The following BEGAIN variants were observed in gnomAD, a reference collection of about 807,000 sequenced individuals.
The protein encoded by BEGAIN is brain-enriched guanylate kinase-associated protein.
BEGAIN carries 19 observed loss-of-function variants against 35.8 expected under a neutral mutation model. The observed-to-expected ratio is 0.53, with a 90% CI of 0.37 to 0.78. The LOEUF (loss-of-function observed/expected upper bound fraction) is 0.78. Among genes scored for constraint, BEGAIN ranks in the 30% least tolerant of loss-of-function variants. The pLI is 0.00. For synonymous variants in BEGAIN, 462 were observed against 388.6 expected, an observed-to-expected ratio of 1.19 and a Z score of -2.22; for missense variants, 795 against 853.6, an observed-to-expected ratio of 0.93 and a Z score of 0.85.
rs1191394363 is a variant in BEGAIN, at chr14:100,568,942, C to T, written c.43-1003G>A. On this transcript the variant is annotated intron_variant, in intron 1 of 6. Transcript: ENST00000554140. The surrounding 1 kb of genome is among the most constrained non-coding windows in gnomAD (Gnocchi z 7.5). Reference sequence around the variant, plus strand: ...GCCCATCCCGGCCCCTCGCGCCGGGCGCCGCCGCCGCGTCCGCCGGGAGCG... The same window carrying T: ...GCCCATCCCGGCCCCTCGCGCCGGGTGCCGCCGCCGCGTCCGCCGGGAGCG... The T allele has an allele frequency of 2.2e-5, 22 of 983,176 alleles. No homozygotes were observed. Among genetic ancestry groups the T allele is most frequent in the Non-Finnish European group, 2.5e-5 (21 of 829,196 alleles). 60.9% of individuals were successfully genotyped at this position (983,176 alleles called of 1,614,324 possible). A position where few individuals can be genotyped will look rare whatever the true frequency, so the allele number is the denominator to read the frequency against.
Position 100,568,584 on chromosome 14 carries a change from C to T in BEGAIN, c.43-645G>A. 2.5e-6 allele frequency: 3 copies of T among 1,202,626 alleles called. No individual in the cohort carries two copies. Among genetic ancestry groups the T allele is most frequent in the Non-Finnish European group, 3.3e-6 (3 of 919,870 alleles). 74.5% of individuals were successfully genotyped at this position (1,202,626 alleles called of 1,614,324 possible). ...GTGAGCGCCCGGCTCGCCGGCGGGG[C>T]TCCCTGCCTTGCTTGCGCAGACCCG... On this transcript the variant is annotated intron_variant, in intron 1 of 6. Transcript: ENST00000554140. The surrounding 1 kb of genome is among the most constrained non-coding windows in gnomAD (Gnocchi z 7.5).
chr14:100,568,960 C>A lies in BEGAIN; in HGVS notation c.43-1021G>T. The A allele has an allele frequency of 1.0e-6, 1 of 983,386 alleles. No individual in the cohort carries two copies. The allele number at this position is 983,386 out of a possible 1,614,324, so 60.9% of individuals were successfully genotyped here. A position where few individuals can be genotyped will look rare whatever the true frequency, so the allele number is the denominator to read the frequency against. ...CGCCGGGCGCCGCCGCCGCGTCCGC[C>A]GGGAGCGCGCTCCGCTCGGGTCCGG... is the stretch of plus-strand genomic sequence containing the variant. On this transcript the variant is annotated intron_variant, in intron 1 of 6. Transcript: ENST00000554140. The surrounding 1 kb of genome is among the most constrained non-coding windows in gnomAD (Gnocchi z 7.5).
chr14:100,570,794 A>G (rs2035056478), intron 1 of BEGAIN, among the ~76,000 whole-genome samples: 1 of 152,122 alleles, frequency 6.6e-6, no homozygotes, highest in Non-Finnish European at 1.5e-5. Context: ...TGATTCAGCC[A>G]TTCATTGACC....
intron 2 of BEGAIN, among the ~76,000 whole-genome samples, chr14:100,554,374 C>G (rs1200287596): frequency 6.6e-6 from 1 of 152,312 alleles, no homozygotes; most frequent in East Asian, 1.9e-4. Flanking sequence ...GCCCTGGGCA[C>G]AGCCTCTGTC....
chr14:100,570,091 C>G (rs1244408758), intron 1 of BEGAIN, among the ~76,000 whole-genome samples: 1 of 152,206 alleles, frequency 6.6e-6, no homozygotes, highest in African/African-American at 2.4e-5. Flanking sequence ...AGGAGCCTTT[C>G]CCACCCAAAG....
At chr14:100,551,256 GC>G in intron 2 of BEGAIN, among the ~76,000 whole-genome samples, 1 of 152,350 alleles carries the variant, frequency 6.6e-6, no homozygotes, top group Non-Finnish European at 1.5e-5. Flanking sequence ...GTGTTGGCCT[GC>G]TGGAGGACAC....
intron 1 of BEGAIN, among the ~76,000 whole-genome samples, chr14:100,585,615 C>A (rs898258339): frequency 1.3e-5 from 2 of 151,756 alleles, no homozygotes; most frequent in Non-Finnish European, 2.9e-5. Context: ...CCAGACCCTG[C>A]GCCCAAGTCT....
intron 2 of BEGAIN, among the ~76,000 whole-genome samples, chr14:100,559,878 G>A (rs2034083022): frequency 2.0e-5 from 3 of 152,238 alleles, no homozygotes; most frequent in Admixed American, 2.0e-4. Context: ...TACGGGGAGG[G>A]TTGTCAGCAG....
chr14:100,566,204 C>A (rs1205562969), intron 2 of BEGAIN, among the ~76,000 whole-genome samples: 1 of 152,244 alleles, frequency 6.6e-6, no homozygotes, highest in Non-Finnish European at 1.5e-5. Flanking sequence ...TGGCCACTGC[C>A]TCCAGCCTTT....
At position 100,545,346 on chromosome 14, in the gene BEGAIN, C is replaced by T. The variant is rs890686885; in HGVS notation, c.234-280G>A. 1.7e-5 allele frequency: 22 copies of T among 1,310,398 alleles called. No individual in the cohort carries two copies. The African/African-American group carries it at 2.8e-4, about 17-fold the overall frequency. 81.2% of individuals were successfully genotyped at this position (1,310,398 alleles called of 1,614,324 possible). A position where few individuals can be genotyped will look rare whatever the true frequency, so the allele number is the denominator to read the frequency against. ...ATGGGAAGGGAAGGCTTGTTATTCA[C>T]AAGAGACTCTGTCCCATCCACACGC... On this transcript the variant is annotated intron_variant, in intron 3 of 6. Coordinates refer to ENST00000554140, the MANE Select transcript of BEGAIN (RefSeq NM_001385089.1).
At chr14:100,561,898 C>G (rs1172105920) in intron 2 of BEGAIN, among the ~76,000 whole-genome samples, 3 of 152,076 alleles carry the variant, frequency 2.0e-5, no homozygotes, top group Non-Finnish European at 4.4e-5. Flanking sequence ...GTAACCCCAA[C>G]CCCCCAAGTT....
intron 2 of BEGAIN, among the ~76,000 whole-genome samples, chr14:100,550,059 G>A (rs777671403): frequency 1.4e-4 from 22 of 152,208 alleles, no homozygotes; most frequent in Admixed American, 2.6e-4. Flanking sequence ...GCACGTGTGC[G>A]TGTGTGTGGT....
intron 1 of BEGAIN, among the ~76,000 whole-genome samples, chr14:100,583,506 A>G (rs2035364515): frequency 6.6e-6 from 1 of 151,882 alleles, no homozygotes; most frequent in Non-Finnish European, 1.5e-5. Flanking sequence ...TGTATCATCC[A>G]TTGATATTTT....
At chr14:100,546,794 ACACACACACACACACACACT>A in intron 2 of BEGAIN, 132 bp from the exon 3 acceptor site, 1 of 618,574 alleles carries the variant, frequency 1.6e-6, no homozygotes. Flanking sequence ...ACACACACAC[ACACACACACACACACACACT>A]CACACACACC....
intron 2 of BEGAIN, among the ~76,000 whole-genome samples, chr14:100,556,348 CCT>C (rs905455723): frequency 2.0e-5 from 3 of 152,218 alleles, no homozygotes; most frequent in Non-Finnish European, 2.9e-5. Flanking sequence ...CCGCTGCCCC[CCT>C]CTTTCTGCAG....
At chr14:100,545,352 AC>A in intron 3 of BEGAIN, 7 of 1,283,374 alleles carry the variant, frequency 5.5e-6, no homozygotes, top group Admixed American at 7.2e-5. Flanking sequence ...TTCACAAGAG[AC>A]TCTGTCCCAT....
intron 2 of BEGAIN, among the ~76,000 whole-genome samples, chr14:100,554,841 C>T (rs1365394502): frequency 6.6e-6 from 1 of 152,208 alleles, no homozygotes; most frequent in Non-Finnish European, 1.5e-5. Flanking sequence ...AATTCCTGTC[C>T]CCAGGGACCC....
At position 100,558,160 on chromosome 14, in the gene BEGAIN, C is replaced by A. The variant is rs1012203141; in HGVS notation, c.71+9751G>T. On this transcript the variant is annotated intron_variant, in intron 2 of 6. Coordinates refer to ENST00000554140, the MANE Select transcript of BEGAIN (RefSeq NM_001385089.1). This position sits in a 1 kb window ranked among gnomAD's most constrained non-coding sequence, Gnocchi z 4.6. ...TATTGAGAACAACCCTCTCTTCACCCTCCAGGTACAGTCCCTGTTCCCTGA... is the reference window on the plus strand; with the variant it reads ...TATTGAGAACAACCCTCTCTTCACCATCCAGGTACAGTCCCTGTTCCCTGA... 1.3e-5 allele frequency among the ~76,000 whole-genome samples: 2 copies of A among 151,770 alleles called. No homozygotes were observed. Among genetic ancestry groups the A allele is most frequent in the African/African-American group, 4.8e-5 (2 of 41,376 alleles).
chr14:100,568,307 T>TCCCCCCCCCCCCCCCCTTAACCCATCCAG lies in BEGAIN; in HGVS notation c.43-369_43-368insCTGGATGGGTTAAGGGGGGGGGGGGGGGG. On this transcript the variant is annotated intron_variant, in intron 1 of 6. Coordinates refer to ENST00000554140, the MANE Select transcript of BEGAIN (RefSeq NM_001385089.1). The surrounding 1 kb of genome is among the most constrained non-coding windows in gnomAD (Gnocchi z 7.5). ...TCTCCGGCGGCCGCGGCCCCGCTGC[T>TCCCCCCCCCCCCCCCCTTAACCCATCCAG]CCCCCCGCCCCGCCCGTTAACCCTT... 1 of 707,820 alleles carries TCCCCCCCCCCCCCCCCTTAACCCATCCAG rather than the reference T, an allele frequency of 1.4e-6. No individual in the cohort carries two copies. The highest frequency in any genetic ancestry group is 2.0e-6 in the Non-Finnish European group (1 of 491,760). 43.8% of individuals were successfully genotyped at this position (707,820 alleles called of 1,614,324 possible).
Sources: allele counts gnomAD v4.1 joint callset (sites outside exome capture counted in the v4.1 genomes callset), GRCh38; gene constraint gnomAD v4.1.1; non-coding constraint Gnocchi (gnomAD v3.1); transcripts MANE v1.5; gene names NCBI Gene and HGNC (gene_info 2026-07-23, HGNC 2026-07-21).